Variants in ACACA observed in about 807,000 individuals in gnomAD.
ACACA encodes acetyl-CoA carboxylase alpha.
A neutral mutation model predicts 296.1 loss-of-function variants in ACACA; 103 were observed. The observed-to-expected ratio is 0.35, with a 90% CI of 0.30 to 0.41. ACACA has a LOEUF of 0.41. Ranked by LOEUF, ACACA falls within the 10% of genes least tolerant of loss-of-function variation. ACACA has a pLI of 1.00. For missense variants in ACACA, 1,554 were observed against 2,989.7 expected (o/e 0.52, Z 11.20); for synonymous variants, 953 against 1,038.6 (o/e 0.92, Z 1.58).
At chr17:37,375,436 G>A (rs911241397) in intron 1 of ACACA, among the ~76,000 whole-genome samples, 4 of 151,610 alleles carry the variant, frequency 2.6e-5, no homozygotes, top group Admixed American at 6.6e-5. Flanking sequence ...GCAGTGAGCC[G>A]AGATCGTGTC....
At chr17:37,367,142 C>A (rs2049637035) in intron 1 of ACACA, 1 of 150,338 alleles carries the variant, frequency 6.7e-6, no homozygotes, top group Non-Finnish European at 1.5e-5. Context: ...CCTAGACCTG[C>A]AGGTAGAAAG....
intron 1 of ACACA, among the ~76,000 whole-genome samples, chr17:37,362,654 C>G (rs1231424386): frequency 6.6e-6 from 1 of 152,156 alleles, no homozygotes; most frequent in Non-Finnish European, 1.5e-5. Context: ...CAAAGCATGT[C>G]CCACTAACCA....
chr17:37,234,888 T>C, intron 25 of ACACA, 87 bp downstream of exon 25: 3 of 1,485,450 alleles, frequency 2.0e-6, no homozygotes, highest in Non-Finnish European at 2.8e-6. Context: ...CAGTAGTTTT[T>C]TTTCTCTGGC....
intron 1 of ACACA, among the ~76,000 whole-genome samples, chr17:37,356,268 T>C (rs202104066): frequency 6.6e-6 from 1 of 152,232 alleles, no homozygotes; most frequent in African/African-American, 2.4e-5. Flanking sequence ...ATTATCTCAA[T>C]AGTTAATAGG....
chr17:37,232,694 T>C (rs1345373503), intron 25 of ACACA, among the ~76,000 whole-genome samples: 4 of 152,126 alleles, frequency 2.6e-5, no homozygotes, highest in African/African-American at 9.7e-5. Flanking sequence ...TAAGATGAAA[T>C]GAAAACAACT....
chr17:37,297,345 G>A (rs1165675162), intron 3 of ACACA, among the ~76,000 whole-genome samples: 1 of 150,946 alleles, frequency 6.6e-6, no homozygotes, highest in East Asian at 2.0e-4. Flanking sequence ...GGAGGCTGAG[G>A]CAGGGGAATC....
chr17:37,190,989 A>G (rs759332338), intron 38 of ACACA, 131 bp downstream of exon 38: 41 of 1,134,956 alleles, frequency 3.6e-5, no homozygotes, highest in Non-Finnish European at 5.3e-5. Flanking sequence ...AACATTCTAT[A>G]AACTTTACAG....
intron 1 of ACACA, among the ~76,000 whole-genome samples, chr17:37,343,847 G>A (rs117651221): frequency 0.026 from 3,921 of 151,522 alleles, 71 homozygotes; most frequent in Non-Finnish European, 0.039. Context: ...ATGGATTTTG[G>A]TTATTAATTC....
intron 1 of ACACA, among the ~76,000 whole-genome samples, chr17:37,369,726 A>G (rs148119289): frequency 6.1e-4 from 92 of 151,942 alleles, no homozygotes; most frequent in African/African-American, 2.1e-3. Context: ...TGTTTTTGAG[A>G]TGGAGTCTTG....
intron 50 of ACACA, among the ~76,000 whole-genome samples, chr17:37,116,930 G>C (rs1009610733): frequency 6.6e-6 from 1 of 152,174 alleles, no homozygotes; most frequent in Non-Finnish European, 1.5e-5. Context: ...CCTGAGAAAC[G>C]CAACTGGGAA....
At chr17:37,213,819 T>C (rs2078865184) in intron 29 of ACACA, among the ~76,000 whole-genome samples, 1 of 152,048 alleles carries the variant, frequency 6.6e-6, no homozygotes. Flanking sequence ...TTGCCGCTGC[T>C]AGCTGAACCC....
intron 1 of ACACA, chr17:37,377,997 T>C: frequency 3.1e-6 from 5 of 1,593,998 alleles, no homozygotes; most frequent in Middle Eastern, 1.7e-4. Context: ...GAAAATGATA[T>C]TGCCATTCCA....
intron 45 of ACACA, 126 bp from the exon 46 acceptor site, chr17:37,130,344 T>C (rs960537183): frequency 7.4e-6 from 9 of 1,215,040 alleles, no homozygotes; most frequent in Non-Finnish European, 4.8e-6. Context: ...CATGGGTTGG[T>C]TGTTCTGAGG....
At chr17:37,325,923 T>G (rs2147176355) in intron 3 of ACACA, among the ~76,000 whole-genome samples, 1 of 151,330 alleles carries the variant, frequency 6.6e-6, no homozygotes, top group African/African-American at 2.4e-5. Flanking sequence ...AAGTGATTCA[T>G]CCAGCTGGGC....
chr17:37,088,424 A>G (rs1459176012), intron 55 of ACACA, among the ~76,000 whole-genome samples: 1 of 152,322 alleles, frequency 6.6e-6, no homozygotes, highest in Non-Finnish European at 1.5e-5. Flanking sequence ...AAATCTGAGT[A>G]CAGATATTAT....
At chr17:37,207,516 G>T in intron 31 of ACACA, 141 bp downstream of exon 31, 1 of 963,274 alleles carries the variant, frequency 1.0e-6, no homozygotes, top group Non-Finnish European at 1.6e-6. Context: ...CCTCTCCAAC[G>T]GCATATACAG....
Position 37,406,671 on chromosome 17 carries a change from T to G in ACACA, c.-372A>C. ...GCCACGCGCCACACGGGCAAAGTGA[T>G]TACTGGTCGGATCAAAAGTCAGGCA... On this transcript the variant is annotated 5_prime_UTR_variant, in exon 1 of 56. Coordinates refer to ENST00000616317, the MANE Select transcript of ACACA (RefSeq NM_198834.3). 2.4e-6 allele frequency: 1 copy of G among 417,814 alleles called. No homozygotes were observed. The highest frequency in any genetic ancestry group is 5.2e-5 in the East Asian group (1 of 19,346). 25.9% of individuals were successfully genotyped at this position (417,814 alleles called of 1,614,324 possible). A position where few individuals can be genotyped will look rare whatever the true frequency, so the allele number is the denominator to read the frequency against.
chr17:37,188,522 C>T (rs775936744), intron 38 of ACACA, 42 bp from the exon 39 acceptor site: 3 of 1,599,672 alleles, frequency 1.9e-6, no homozygotes, highest in Admixed American at 3.3e-5. Context: ...TAAATATCTT[C>T]TAACTAAGAC....
chr17:37,404,024 T>C (rs143480667), intron 1 of ACACA, among the ~76,000 whole-genome samples: 6 of 152,296 alleles, frequency 3.9e-5, no homozygotes, highest in Non-Finnish European at 8.8e-5. Flanking sequence ...CCATCTGCCT[T>C]GGCCTCCCAA....
Sources: gnomAD v4.1 joint callset for allele counts (sites outside exome capture counted in the v4.1 genomes callset) on GRCh38, gnomAD v4.1.1 for gene constraint, MANE v1.5 for transcripts, NCBI Gene and HGNC (gene_info 2026-07-23, HGNC 2026-07-21) for gene names.